The following SVIL variants were observed in gnomAD, a reference collection of about 807,000 sequenced individuals.
SVIL encodes archvillin.
SVIL carries 101 observed loss-of-function variants against 240.4 expected under a neutral mutation model. That is an observed-to-expected ratio of 0.42 (90% CI 0.36 to 0.50). The LOEUF is 0.50. Ranked by LOEUF, SVIL falls within the 20% of genes least tolerant of loss-of-function variation. SVIL has a pLI of 0.01. For synonymous variants in SVIL, 999 were observed against 1,100.0 expected (o/e 0.91, Z 1.82); for missense variants, 2,512 against 2,818.7 (o/e 0.89, Z 2.46).
At chr10:29,728,273 T>C (rs892145693) in intron 1 of SVIL, among the ~76,000 whole-genome samples, 1 of 152,202 alleles carries the variant, frequency 6.6e-6, no homozygotes, top group Non-Finnish European at 1.5e-5. Flanking sequence ...GGAAAGGTTA[T>C]CCAAAACAAG....
At chr10:29,478,439 C>T (rs1320407785) in intron 29 of SVIL, among the ~76,000 whole-genome samples, 1 of 152,160 alleles carries the variant, frequency 6.6e-6, no homozygotes, top group Non-Finnish European at 1.5e-5. Flanking sequence ...ATTATAAAGT[C>T]CTGTGAGCTG....
chr10:29,539,137 C>T (rs940756892), intron 6 of SVIL, among the ~76,000 whole-genome samples: 1 of 151,722 alleles, frequency 6.6e-6, no homozygotes, highest in Non-Finnish European at 1.5e-5. Context: ...TGCACTCCAG[C>T]CTGGGAGACA....
At chr10:29,645,272 A>G (rs1958619056) in intron 3 of SVIL, among the ~76,000 whole-genome samples, 1 of 151,976 alleles carries the variant, frequency 6.6e-6, no homozygotes, top group South Asian at 2.1e-4. Context: ...AATGAGGGGG[A>G]AAAAAAGAAG....
chr10:29,648,382 C>T (rs965275904), intron 3 of SVIL, among the ~76,000 whole-genome samples: 1 of 152,138 alleles, frequency 6.6e-6, no homozygotes, highest in African/African-American at 2.4e-5. Context: ...TTTTGAGAAA[C>T]AAAAGTTATT....
At position 29,457,838 on chromosome 10, in the gene SVIL, T is replaced by C. The variant is rs1943734760; in HGVS notation, c.*409A>G. The stretch of plus-strand genomic sequence containing the variant: ...TACATATTGCTTTGTTAAATACATA[T>C]TTGACTTATATGGTGTTTATATAAA... On this transcript the variant is annotated 3_prime_UTR_variant, in exon 38 of 38. Transcript: ENST00000355867. 6.5e-6 allele frequency: 1 copy of C among 153,074 alleles called. No homozygotes were observed. Among genetic ancestry groups the C allele is most frequent in the African/African-American group, 2.4e-5 (1 of 41,442 alleles). 9.5% of individuals were successfully genotyped at this position (153,074 alleles called of 1,614,324 possible). A position where few individuals can be genotyped will look rare whatever the true frequency, so the allele number is the denominator to read the frequency against.
intron 23 of SVIL, among the ~76,000 whole-genome samples, chr10:29,488,205 G>A (rs1019214235): frequency 1.5e-4 from 23 of 150,434 alleles, no homozygotes; most frequent in Non-Finnish European, 3.1e-4. Context: ...GGGGAGAACT[G>A]GGCAGAGAGC....
intron 5 of SVIL, 127 bp downstream of exon 5, chr10:29,554,656 A>T (rs1953734126): frequency 8.0e-7 from 1 of 1,257,802 alleles, no homozygotes; most frequent in Non-Finnish European, 1.0e-6. Context: ...CCTTGTGCTA[A>T]AAAAATTATA....
chr10:29,666,795 T>G (rs1488937596), intron 2 of SVIL, among the ~76,000 whole-genome samples: 1 of 152,206 alleles, frequency 6.6e-6, no homozygotes, highest in Admixed American at 6.5e-5. Flanking sequence ...GGGAAAGTCA[T>G]ATTCCGAGGT....
chr10:29,640,315 C>T (rs893345217), intron 3 of SVIL, among the ~76,000 whole-genome samples: 4 of 152,082 alleles, frequency 2.6e-5, no homozygotes, highest in East Asian at 1.9e-4. Flanking sequence ...ATGTCCTCTT[C>T]GTAAAATGTC....
At chr10:29,524,094 TGA>T in intron 14 of SVIL, 67 bp from the exon 15 acceptor site, 2 of 1,431,654 alleles carry the variant, frequency 1.4e-6, no homozygotes, top group Non-Finnish European at 1.9e-6. Context: ...TCCTGGTTTA[TGA>T]ATTGACAGAA....
intron 1 of SVIL, among the ~76,000 whole-genome samples, chr10:29,717,795 A>G (rs889416092): frequency 2.0e-5 from 3 of 152,214 alleles, no homozygotes; most frequent in African/African-American, 7.2e-5. Context: ...GAGAACTTGT[A>G]TATTTGGGGT....
At chr10:29,509,133 G>A (rs776837985) in intron 17 of SVIL, among the ~76,000 whole-genome samples, 2 of 152,062 alleles carry the variant, frequency 1.3e-5, no homozygotes, top group Non-Finnish European at 2.9e-5. Context: ...AAACCACACC[G>A]TGCAGACCAG....
At chr10:29,661,360 G>A (rs182668339) in intron 2 of SVIL, among the ~76,000 whole-genome samples, 2 of 152,224 alleles carry the variant, frequency 1.3e-5, no homozygotes, top group East Asian at 3.9e-4. Flanking sequence ...ATACAAACAG[G>A]AAAAGGTCCA....
At chr10:29,588,913 A>G (rs1200729582) in intron 1 of SVIL, among the ~76,000 whole-genome samples, 1 of 132,724 alleles carries the variant, frequency 7.5e-6, no homozygotes, top group Non-Finnish European at 1.6e-5. Flanking sequence ...TACCTCCCCC[A>G]CCCCCCCTTT....
At chr10:29,482,561 G>T (rs913597382) in intron 27 of SVIL, among the ~76,000 whole-genome samples, 2 of 152,144 alleles carry the variant, frequency 1.3e-5, no homozygotes, top group Admixed American at 6.5e-5. Context: ...AGATTCTCCC[G>T]TCACTAAAAT....
At chr10:29,596,414 A>G (rs190747270) in intron 1 of SVIL, among the ~76,000 whole-genome samples, 1 of 152,328 alleles carries the variant, frequency 6.6e-6, no homozygotes, top group Admixed American at 6.5e-5. Flanking sequence ...TCAAGGCTGC[A>G]GTGAGCTGTG....
intron 6 of SVIL, among the ~76,000 whole-genome samples, chr10:29,549,566 T>C (rs1472724825): frequency 6.8e-6 from 1 of 146,838 alleles, no homozygotes; most frequent in African/African-American, 2.5e-5. Context: ...TAAAGACACA[T>C]GCACACGTAT....
At chr10:29,644,928 T>C (rs1958607711) in intron 3 of SVIL, among the ~76,000 whole-genome samples, 1 of 150,932 alleles carries the variant, frequency 6.6e-6, no homozygotes, top group African/African-American at 2.4e-5. Flanking sequence ...GGGGACAGAA[T>C]GGTGGGAGGT....
chr10:29,566,020 T>A (rs2132706993), intron 2 of SVIL, among the ~76,000 whole-genome samples: 1 of 152,308 alleles, frequency 6.6e-6, no homozygotes, highest in East Asian at 1.9e-4. Flanking sequence ...TTGTGTACCT[T>A]TTATGCAAAG....
Sources: allele counts gnomAD v4.1 joint callset (sites outside exome capture counted in the v4.1 genomes callset), GRCh38; gene constraint gnomAD v4.1.1; transcripts MANE v1.5; gene names NCBI Gene and HGNC (gene_info 2026-07-23, HGNC 2026-07-21).